Variants in ZNF407 observed in about 807,000 individuals in gnomAD.
ZNF407 encodes the protein zinc finger protein 407.
In ZNF407, 17 loss-of-function variants were observed where a neutral mutation model predicts 131.2. The observed-to-expected ratio is 0.13, with a 90% CI of 0.09 to 0.19. The LOEUF (loss-of-function observed/expected upper bound fraction) is 0.19. ZNF407 is among the 10% of genes least tolerant of loss of function. ZNF407 has a pLI of 1.00. For synonymous variants in ZNF407, 1,156 were observed against 1,062.0 expected, an observed-to-expected ratio of 1.09 and a Z score of -1.72; for missense variants, 2,681 against 2,830.6, an observed-to-expected ratio of 0.95 and a Z score of 1.20.
chr18:74,954,357 T>C (rs1023911094), intron 8 of ZNF407, among the ~76,000 whole-genome samples: 1 of 152,324 alleles, frequency 6.6e-6, no homozygotes, highest in Non-Finnish European at 1.5e-5. Context: ...TTAATCTATA[T>C]CATAAATGAC....
intron 3 of ZNF407, among the ~76,000 whole-genome samples, chr18:74,756,041 G>A (rs113357525): frequency 4.0e-5 from 6 of 150,526 alleles, no homozygotes; most frequent in South Asian, 4.2e-4. Context: ...TTGCAGGTGC[G>A]CACCACCACA....
chr18:74,634,237 A>G lies in ZNF407; in HGVS notation c.3218A>G (p.Lys1073Arg). The change falls in exon 2 of 9, where the codon AAA becomes AGA. Residue 1073 changes from lysine (K) to arginine (R), a missense_variant. Lys to Arg is a conservative substitution (Grantham distance 26, BLOSUM62 2). Coordinates refer to ENST00000299687, the MANE Select transcript of ZNF407 (RefSeq NM_017757.3). ...GCAGCAACAGAGAAGCACAAAATGA[A>G]AAGGCAGTCTTATCTCAACTCTGCT... ...RHAATEKHKM[K>R]RQSYLNSANV... 1 of 1,614,032 alleles carries G rather than the reference A, an allele frequency of 6.2e-7. No homozygotes were observed. Among genetic ancestry groups the G allele is most frequent in the Non-Finnish European group, 8.5e-7 (1 of 1,179,892 alleles).
chr18:74,858,147 T>C (rs948737217), intron 4 of ZNF407, among the ~76,000 whole-genome samples: 1 of 142,884 alleles, frequency 7.0e-6, no homozygotes, highest in Non-Finnish European at 1.5e-5. Flanking sequence ...CCTCCCTCCT[T>C]CCCTTCCTCT....
intron 7 of ZNF407, among the ~76,000 whole-genome samples, chr18:74,919,025 C>G (rs982345858): frequency 1.3e-5 from 2 of 152,080 alleles, no homozygotes; most frequent in African/African-American, 2.4e-5. Context: ...TATGAGATCC[C>G]CACTCATGAG....
At chr18:74,667,573 C>T (rs189658189) in intron 3 of ZNF407, among the ~76,000 whole-genome samples, 1 of 152,276 alleles carries the variant, frequency 6.6e-6, no homozygotes, top group East Asian at 1.9e-4. Context: ...ATGGTGGGCA[C>T]TACTATCTCT....
chr18:74,842,352 C>T (rs1377927068), intron 4 of ZNF407, among the ~76,000 whole-genome samples: 2 of 152,014 alleles, frequency 1.3e-5, no homozygotes, highest in African/African-American at 4.8e-5. Flanking sequence ...GTGCACTTCT[C>T]ATATTTGAAG....
chr18:74,748,352 A>G (rs1461161389), intron 3 of ZNF407, among the ~76,000 whole-genome samples: 1 of 151,728 alleles, frequency 6.6e-6, no homozygotes, highest in Non-Finnish European at 1.5e-5. Flanking sequence ...ATATCTGGAC[A>G]ACACTGATCA....
intron 7 of ZNF407, among the ~76,000 whole-genome samples, chr18:74,902,611 G>A (rs1029184345): frequency 3.9e-5 from 6 of 152,084 alleles, no homozygotes; most frequent in Non-Finnish European, 8.8e-5. Flanking sequence ...GTCCCTCATC[G>A]TCAGTGACTC....
intron 2 of ZNF407, among the ~76,000 whole-genome samples, chr18:74,639,740 G>C (rs1354957117): frequency 6.6e-6 from 1 of 152,088 alleles, no homozygotes; most frequent in Non-Finnish European, 1.5e-5. Flanking sequence ...GCTTAGTACT[G>C]TTGACTTTTT....
chr18:74,943,384 AT>A (rs1457199596), intron 8 of ZNF407, among the ~76,000 whole-genome samples: 1 of 152,148 alleles, frequency 6.6e-6, no homozygotes, highest in Admixed American at 6.5e-5. Flanking sequence ...TTTATTTTCC[AT>A]CTGAAGGATG....
chr18:74,940,509 G>T (rs925566159), intron 8 of ZNF407, among the ~76,000 whole-genome samples: 3 of 152,080 alleles, frequency 2.0e-5, no homozygotes, highest in Non-Finnish European at 2.9e-5. Flanking sequence ...AAGCTGATGC[G>T]CTCAGGGCTA....
chr18:74,798,271 CAA>C (rs1309946262), intron 4 of ZNF407, among the ~76,000 whole-genome samples: 2 of 150,816 alleles, frequency 1.3e-5, no homozygotes, highest in Non-Finnish European at 3.0e-5. Context: ...TCTAATGACA[CAA>C]AATTGTTGAT....
At chr18:74,754,830 T>C (rs1022544644) in intron 3 of ZNF407, among the ~76,000 whole-genome samples, 2 of 152,224 alleles carry the variant, frequency 1.3e-5, no homozygotes, top group African/African-American at 4.8e-5. Context: ...ATTCTGTTGA[T>C]TCGGGGTGGA....
intron 8 of ZNF407, among the ~76,000 whole-genome samples, chr18:74,960,332 T>G (rs1460512222): frequency 8.8e-6 from 1 of 113,992 alleles, no homozygotes; most frequent in African/African-American, 3.6e-5. Context: ...CCTGAGTGAG[T>G]GCTTGGTGGA....
intron 4 of ZNF407, chr18:74,803,818 T>G: frequency 1.3e-6 from 1 of 750,040 alleles, no homozygotes; most frequent in Non-Finnish European, 2.1e-6. Context: ...ACAGAGATAA[T>G]GTGGTTTTTA....
intron 2 of ZNF407, among the ~76,000 whole-genome samples, chr18:74,636,785 A>T (rs1165542531): frequency 6.6e-6 from 1 of 152,250 alleles, no homozygotes; most frequent in Non-Finnish European, 1.5e-5. Context: ...CAAACATTGT[A>T]CTTGTGATCC....
At chr18:74,792,887 G>A (rs910538070) in intron 4 of ZNF407, among the ~76,000 whole-genome samples, 7 of 152,202 alleles carry the variant, frequency 4.6e-5, no homozygotes, top group African/African-American at 1.7e-4. Flanking sequence ...TTGTGGAGCA[G>A]TTTCTCCACG....
At chr18:74,643,029 A>G (rs1172951973) in intron 3 of ZNF407, among the ~76,000 whole-genome samples, 2 of 152,120 alleles carry the variant, frequency 1.3e-5, no homozygotes, top group East Asian at 3.8e-4. Flanking sequence ...TTGGAACAGA[A>G]TGGTAGTGAA....
intron 8 of ZNF407, among the ~76,000 whole-genome samples, chr18:74,928,897 A>G (rs1159226337): frequency 6.6e-6 from 1 of 152,152 alleles, no homozygotes; most frequent in African/African-American, 2.4e-5. Context: ...GCTTGTGTCT[A>G]CTGCACTCTG....
Sources: gnomAD v4.1 joint callset for allele counts (sites outside exome capture counted in the v4.1 genomes callset) on GRCh38, gnomAD v4.1.1 for gene constraint, MANE v1.5 for transcripts, NCBI Gene and HGNC (gene_info 2026-07-23, HGNC 2026-07-21) for gene names.